The following GAPVD1 variants were observed in gnomAD, a reference collection of about 807,000 sequenced individuals.
The protein encoded by GAPVD1 is GTPase-activating protein and VPS9 domain-containing protein 1.
In GAPVD1, 35 loss-of-function variants were observed where a neutral mutation model predicts 155.5. The ratio of observed to expected loss-of-function variants is 0.23; its 90% CI spans 0.17 to 0.30. GAPVD1 has a LOEUF of 0.30. Among genes scored for constraint, GAPVD1 ranks in the 10% least tolerant of loss-of-function variants. GAPVD1 has a pLI of 1.00. For missense variants in GAPVD1, 1,429 were observed against 1,775.7 expected, an observed-to-expected ratio of 0.80 and a Z score of 3.51; for synonymous variants, 636 against 619.7, an observed-to-expected ratio of 1.03 and a Z score of -0.39.
Position 125,263,761 on chromosome 9 carries a change from G to T in GAPVD1, c.-199+1802G>T. 2 of 923,000 alleles carry T rather than the reference G, an allele frequency of 2.2e-6. 1 individual carries two copies. The highest frequency in any genetic ancestry group is 2.6e-5 in the South Asian group (2 of 77,748). The allele number at this position is 923,000 out of a possible 1,614,324, so 57.2% of individuals were successfully genotyped here. ...GTCAGCTTCCCCTCTTGTGAGTCTCGCAGGTCACTCACCCTCCAGACCTTT... is the reference window on the plus strand; with the variant it reads ...GTCAGCTTCCCCTCTTGTGAGTCTCTCAGGTCACTCACCCTCCAGACCTTT... On this transcript the variant is annotated intron_variant, in intron 1 of 27. Transcript: ENST00000297933.
chr9:125,318,736 G>T lies in GAPVD1; in HGVS notation c.1603-2697G>T, dbSNP rs538927770. ...GTTCAAGACCAGCCTGGGCAACATA[G>T]TAAGACCTTGTCTCTACAAAAATAA... On this transcript the variant is annotated intron_variant, in intron 9 of 27. Transcript: ENST00000297933. Among the ~76,000 whole-genome samples the T allele has an allele frequency of 1.1e-4, 16 of 152,110 alleles. No individual in the cohort carries two copies. In the South Asian group the frequency reaches 3.3e-3, roughly 32 times the overall value.
intron 10 of GAPVD1, among the ~76,000 whole-genome samples, chr9:125,323,361 A>C (rs2131563660): frequency 6.6e-6 from 1 of 152,202 alleles, no homozygotes; most frequent in Middle Eastern, 3.4e-3. Context: ...GCTGGAGTGC[A>C]GTGGCGCGAT....
At chr9:125,349,327 A>C (rs940542353) in intron 20 of GAPVD1, 63 bp from the exon 21 acceptor site, 8 of 1,412,500 alleles carry the variant, frequency 5.7e-6, no homozygotes, top group African/African-American at 1.4e-5. Flanking sequence ...CTGAATACCT[A>C]CTAGTGCCAT....
chr9:125,331,855 G>A (rs987257631), intron 13 of GAPVD1, 71 bp from the exon 14 acceptor site: 71 of 1,436,266 alleles, frequency 4.9e-5, no homozygotes, highest in Non-Finnish European at 6.7e-5. Flanking sequence ...TGTTTATCTG[G>A]GTCACAAAAG....
At chr9:125,328,988 C>CG (rs1845660200) in intron 12 of GAPVD1, among the ~76,000 whole-genome samples, 1 of 152,032 alleles carries the variant, frequency 6.6e-6, no homozygotes, top group Non-Finnish European at 1.5e-5. Flanking sequence ...TCAGGCGTGG[C>CG]GGCGCGTGCC....
chr9:125,362,826 G>T lies in GAPVD1; in HGVS notation c.*80G>T. ...GAGAAGGTGCATCAGCTGCTTTGAA[G>T]GCTGAAGATTGTTTTGTATGATACT... On this transcript the variant is annotated 3_prime_UTR_variant, in exon 28 of 28. Transcript: ENST00000297933. 7.6e-7 allele frequency: 1 copy of T among 1,316,470 alleles called. No homozygotes were observed. The highest frequency in any genetic ancestry group is 1.1e-6 in the Non-Finnish European group (1 of 941,306). 81.5% of individuals were successfully genotyped at this position (1,316,470 alleles called of 1,614,324 possible).
chr9:125,299,616 C>T (rs10986692), intron 4 of GAPVD1, among the ~76,000 whole-genome samples: 3 of 151,110 alleles, frequency 2.0e-5, no homozygotes, highest in African/African-American at 2.4e-5. Context: ...GATTGTGCCA[C>T]TGCACTCCAG....
At chr9:125,339,793 A>G (rs1445533390) in intron 17 of GAPVD1, among the ~76,000 whole-genome samples, 2 of 152,158 alleles carry the variant, frequency 1.3e-5, no homozygotes, top group South Asian at 2.1e-4. Flanking sequence ...TACTTTCACT[A>G]TTCTTCATGG....
chr9:125,347,272 A>G (rs964101188), intron 20 of GAPVD1, among the ~76,000 whole-genome samples: 22 of 152,270 alleles, frequency 1.4e-4, no homozygotes, highest in Admixed American at 1.3e-4. Flanking sequence ...TGCACTCTCA[A>G]TATAGCTGTG....
chr9:125,309,678 T>C (rs1405862937), intron 8 of GAPVD1, among the ~76,000 whole-genome samples: 2 of 152,206 alleles, frequency 1.3e-5, no homozygotes, highest in Non-Finnish European at 2.9e-5. Context: ...GTTCACATGA[T>C]GAAGTAAATG....
chr9:125,363,227 A>G lies in GAPVD1; in HGVS notation c.*481A>G, dbSNP rs1423058132. 1 of 152,112 alleles carries G rather than the reference A, an allele frequency of 6.6e-6. No individual in the cohort carries two copies. Among genetic ancestry groups the G allele is most frequent in the East Asian group, 1.9e-4 (1 of 5,200 alleles). 9.4% of individuals were successfully genotyped at this position (152,112 alleles called of 1,614,324 possible). On this transcript the variant is annotated 3_prime_UTR_variant, in exon 28 of 28. Transcript: ENST00000297933. The stretch of plus-strand genomic sequence containing the variant: ...AGTGGCATTATCTATAAATACACTC[A>G]CCTAAATTGAAAGCTAAGAAGGAAA...
chr9:125,302,465 T>A lies in GAPVD1; in HGVS notation c.668T>A (p.Ile223Asn). 6.2e-7 allele frequency: 1 copy of A among 1,613,756 alleles called. No individual in the cohort carries two copies. Among genetic ancestry groups the A allele is most frequent in the Non-Finnish European group, 8.5e-7 (1 of 1,179,862 alleles). ...DHLETDPNKL[I>N]ERFSPSQQEK... The stretch of plus-strand genomic sequence containing the variant: ...CTGGAAACAGATCCAAACAAGCTAA[T>A]TGAGAGGTTCTCTCCATCTCAGCAG... The change falls in exon 5 of 28, where the codon ATT (isoleucine) becomes AAT (asparagine). Residue 223 changes from isoleucine to asparagine, a missense_variant. Transcript: ENST00000297933.
At chr9:125,314,681 CAG>C (rs201851416) in intron 9 of GAPVD1, among the ~76,000 whole-genome samples, 3,093 of 151,484 alleles carry the variant, frequency 0.02, 81 homozygotes, top group African/African-American at 0.069. Flanking sequence ...AAACAAAAAA[CAG>C]AAAAAAGAAA....
intron 11 of GAPVD1, among the ~76,000 whole-genome samples, chr9:125,326,212 G>A (rs1845158349): frequency 6.6e-6 from 1 of 152,190 alleles, no homozygotes; most frequent in Admixed American, 6.5e-5. Flanking sequence ...TATGCAAAAT[G>A]CTAGATTAAG....
At chr9:125,297,846 A>G (rs1447677297) in intron 3 of GAPVD1, among the ~76,000 whole-genome samples, 1 of 152,230 alleles carries the variant, frequency 6.6e-6, no homozygotes, top group East Asian at 1.9e-4. Context: ...ACCAGGTTCA[A>G]ACAATTCTCC....
intron 3 of GAPVD1, among the ~76,000 whole-genome samples, chr9:125,298,645 C>A (rs1052265570): frequency 6.6e-6 from 1 of 151,792 alleles, no homozygotes; most frequent in African/African-American, 2.4e-5. Flanking sequence ...CGCCCCACCG[C>A]ACCTGGCTAA....
intron 2 of GAPVD1, among the ~76,000 whole-genome samples, chr9:125,274,368 G>A (rs1009937435): frequency 6.6e-6 from 1 of 151,208 alleles, no homozygotes. Flanking sequence ...AAAAATGAAG[G>A]GTTTTCTTTC....
rs970408791 is a variant in GAPVD1 at position 125,349,506 on chromosome 9, G to A, written c.3286G>A (p.Ala1096Thr). ...ASQAAHPQDS[A>T]FSYRDAKKKL... ...CCAAGCAGCCCACCCGCAGGATTCA[G>A]CTTTCTCTTACAGGTATTTCTTTTA... The change falls in exon 21 of 28, where the codon GCT (alanine) becomes ACT (threonine). Residue 1096 changes from alanine (A) to threonine (T), a missense_variant. Physicochemically the swap from Ala to Thr is moderately conservative, Grantham distance 58. Transcript: ENST00000297933. The A allele has an allele frequency of 1.2e-6, 2 of 1,613,888 alleles. No homozygotes were observed. Among genetic ancestry groups the A allele is most frequent in the African/African-American group, 1.3e-5 (1 of 74,894 alleles).
chr9:125,287,356 G>T (rs951634021), intron 2 of GAPVD1, among the ~76,000 whole-genome samples: 1 of 152,090 alleles, frequency 6.6e-6, no homozygotes, highest in Non-Finnish European at 1.5e-5. Context: ...TCTACAACAT[G>T]GCTAAACTTT....
Sources: allele counts gnomAD v4.1 joint callset (sites outside exome capture counted in the v4.1 genomes callset), GRCh38; gene constraint gnomAD v4.1.1; transcripts MANE v1.5; gene names NCBI Gene and HGNC (gene_info 2026-07-23, HGNC 2026-07-21).